The following ADAM23 variants were observed in gnomAD, a reference collection of about 807,000 sequenced individuals.
ADAM23 encodes ADAM metallopeptidase domain 23, also known as disintegrin and metalloproteinase domain-containing protein 23.
Under a neutral mutation model 120.1 loss-of-function variants are expected in ADAM23, and 33 were observed. The ratio of observed to expected loss-of-function variants is 0.27; its 90% CI spans 0.21 to 0.37. The LOEUF (loss-of-function observed/expected upper bound fraction) is 0.37. ADAM23 is among the 10% of genes least tolerant of loss of function. The pLI is 1.00. For synonymous variants in ADAM23, 367 were observed against 375.2 expected (o/e 0.98, Z 0.25); for missense variants, 862 against 1,058.2 (o/e 0.81, Z 2.57).
intron 9 of ADAM23, among the ~76,000 whole-genome samples, chr2:206,550,805 C>T (rs1169786247): frequency 1.3e-4 from 20 of 152,032 alleles, no homozygotes; most frequent in Admixed American, 1.2e-3. Flanking sequence ...GTTTCACCGC[C>T]TTAGCGAGGA....
At chr2:206,479,768 G>A (rs1162597068) in intron 2 of ADAM23, among the ~76,000 whole-genome samples, 1 of 152,014 alleles carries the variant, frequency 6.6e-6, no homozygotes, top group African/African-American at 2.4e-5. Flanking sequence ...AAGGTTGTTT[G>A]GAATTTGACT....
chr2:206,476,472 T>A (rs1208575409), intron 2 of ADAM23, among the ~76,000 whole-genome samples: 1 of 152,122 alleles, frequency 6.6e-6, no homozygotes, highest in African/African-American at 2.4e-5. Flanking sequence ...GAGTTCCACC[T>A]CCTGTCAGAT....
At chr2:206,456,304 C>A (rs1695298922) in intron 2 of ADAM23, among the ~76,000 whole-genome samples, 1 of 152,056 alleles carries the variant, frequency 6.6e-6, no homozygotes, top group Admixed American at 6.6e-5. Context: ...TGAGAACTCA[C>A]TCACTCTCAT....
At chr2:206,454,824 A>G (rs1251954528) in intron 2 of ADAM23, among the ~76,000 whole-genome samples, 1 of 152,262 alleles carries the variant, frequency 6.6e-6, no homozygotes, top group African/African-American at 2.4e-5. Flanking sequence ...ACATCAGGGC[A>G]CACTGATGCA....
chr2:206,498,656 C>G (rs1186521841), intron 3 of ADAM23, among the ~76,000 whole-genome samples: 1 of 152,120 alleles, frequency 6.6e-6, no homozygotes, highest in Non-Finnish European at 1.5e-5. Flanking sequence ...CAAATGGGAT[C>G]TAATTAAACT....
intron 24 of ADAM23, among the ~76,000 whole-genome samples, chr2:206,599,260 T>C (rs1193462786): frequency 6.6e-6 from 1 of 152,106 alleles, no homozygotes; most frequent in Non-Finnish European, 1.5e-5. Flanking sequence ...CTGTTGCATT[T>C]TTCTTTTTCC....
intron 3 of ADAM23, among the ~76,000 whole-genome samples, chr2:206,498,740 G>A (rs930148752): frequency 3.9e-5 from 6 of 152,070 alleles, no homozygotes; most frequent in Admixed American, 1.3e-4. Flanking sequence ...GAAAATTTTT[G>A]CAACCTACTC....
At chr2:206,468,374 C>T (rs1313116399) in intron 2 of ADAM23, among the ~76,000 whole-genome samples, 1 of 152,156 alleles carries the variant, frequency 6.6e-6, no homozygotes, top group Non-Finnish European at 1.5e-5. Context: ...TCTTGAACAC[C>T]ACTGCTTAGA....
intron 2 of ADAM23, among the ~76,000 whole-genome samples, chr2:206,457,944 G>A (rs1695332808): frequency 6.6e-6 from 1 of 152,146 alleles, no homozygotes; most frequent in Non-Finnish European, 1.5e-5. Flanking sequence ...CTTTTTGTCA[G>A]CATGTGAAAT....
chr2:206,476,262 T>G (rs1168047858), intron 2 of ADAM23, among the ~76,000 whole-genome samples: 1 of 152,202 alleles, frequency 6.6e-6, no homozygotes, highest in Admixed American at 6.5e-5. Flanking sequence ...GTTCATTACT[T>G]AAATGAATAT....
chr2:206,597,080 G>A (rs1698541997), intron 24 of ADAM23, among the ~76,000 whole-genome samples: 2 of 151,260 alleles, frequency 1.3e-5, no homozygotes, highest in Non-Finnish European at 2.9e-5. Flanking sequence ...TGTCCAGGCT[G>A]GTCTTGAACT....
chr2:206,522,146 CATATAT>C (rs955832845), intron 3 of ADAM23, among the ~76,000 whole-genome samples: 1 of 150,836 alleles, frequency 6.6e-6, no homozygotes, highest in Non-Finnish European at 1.5e-5. Flanking sequence ...TATGTATATT[CATATAT>C]ATATATCTCT....
rs186546163 is a variant in ADAM23 at position 206,533,531 on chromosome 2, T to G, written c.573+2583T>G. Among the ~76,000 whole-genome samples, 34 of 152,310 alleles carry G rather than the reference T, an allele frequency of 2.2e-4. 1 individual carries two copies. The East Asian group carries it at 5.8e-3, about 26-fold the overall frequency. ...AGATCTCAAATTGTTTAGAGAAAAG[T>G]ACATGCACACATTGTACACACACAT... On this transcript the variant is annotated intron_variant, in intron 4 of 25. Coordinates refer to ENST00000264377, the MANE Select transcript of ADAM23 (RefSeq NM_003812.4).
chr2:206,599,061 C>T (rs1032686796), intron 24 of ADAM23, among the ~76,000 whole-genome samples: 1 of 151,558 alleles, frequency 6.6e-6, no homozygotes, highest in Non-Finnish European at 1.5e-5. Flanking sequence ...AAAAATTAGC[C>T]GGGCATGGTG....
At position 206,540,083 on chromosome 2, in the gene ADAM23, G is replaced by A. The variant is rs1697259083; in HGVS notation, c.574-1969G>A. On this transcript the variant is annotated intron_variant, in intron 4 of 25. Transcript: ENST00000264377. ...TGTAATCCCAGCTACTCAGGAGGCTGAAGCACAAGAATTGCTTGAACCTGG... is the reference window on the plus strand; with the variant it reads ...TGTAATCCCAGCTACTCAGGAGGCTAAAGCACAAGAATTGCTTGAACCTGG... 2.0e-5 allele frequency among the ~76,000 whole-genome samples: 3 copies of A among 152,280 alleles called. No individual in the cohort carries two copies. In the South Asian group the frequency reaches 6.2e-4, roughly 32 times the overall value.
At chr2:206,529,236 C>A (rs1409679282) in intron 3 of ADAM23, among the ~76,000 whole-genome samples, 1 of 152,096 alleles carries the variant, frequency 6.6e-6, no homozygotes, top group East Asian at 1.9e-4. Flanking sequence ...ACTGCATATT[C>A]ATGGTTTCCT....
rs945469208 is a variant in ADAM23 at position 206,543,154 on chromosome 2, C to T, written c.657-99C>T. ...GTGTAAAGGGATTTGTTCAGTTATA[C>T]TCTTTATTTTGAAGACACAATAATG... On this transcript the variant is annotated intron_variant, in intron 5 of 25. Coordinates refer to ENST00000264377, the MANE Select transcript of ADAM23 (RefSeq NM_003812.4). 7 of 1,029,192 alleles carry T rather than the reference C, an allele frequency of 6.8e-6. No homozygotes were observed. The African/African-American group carries it at 1.1e-4, about 16-fold the overall frequency. 63.8% of individuals were successfully genotyped at this position (1,029,192 alleles called of 1,614,324 possible).
At chr2:206,493,313 A>G (rs1207696816) in intron 3 of ADAM23, among the ~76,000 whole-genome samples, 3 of 152,260 alleles carry the variant, frequency 2.0e-5, no homozygotes, top group Non-Finnish European at 4.4e-5. Context: ...GATGATATCC[A>G]TGAGCCTTAA....
chr2:206,527,195 G>T (rs1037821130), intron 3 of ADAM23, among the ~76,000 whole-genome samples: 5 of 152,206 alleles, frequency 3.3e-5, no homozygotes, highest in Admixed American at 2.0e-4. Context: ...CATCCAATTG[G>T]CTGATCAACA....
Sources: allele counts gnomAD v4.1 joint callset (sites outside exome capture counted in the v4.1 genomes callset), GRCh38; gene constraint gnomAD v4.1.1; transcripts MANE v1.5; gene names NCBI Gene and HGNC (gene_info 2026-07-23, HGNC 2026-07-21).